The following LIPA variants were observed in gnomAD, a reference collection of about 807,000 sequenced individuals.
The protein encoded by LIPA is lipase A, lysosomal acid type.
LIPA carries 26 observed loss-of-function variants against 40.6 expected under a neutral mutation model. The observed-to-expected ratio is 0.64, with a 90% CI of 0.47 to 0.89. The LOEUF (loss-of-function observed/expected upper bound fraction) is 0.89. LIPA is among the 40% of genes least tolerant of loss of function. The pLI, the probability that LIPA is intolerant of heterozygous loss-of-function variation, is 0.00. For missense variants in LIPA, 455 were observed against 479.6 expected, an observed-to-expected ratio of 0.95 and a Z score of 0.48; for synonymous variants, 188 against 168.4, an observed-to-expected ratio of 1.12 and a Z score of -0.90.
At chr10:89,220,249 G>A (rs1842680718) in intron 8 of LIPA, among the ~76,000 whole-genome samples, 3 of 152,166 alleles carry the variant, frequency 2.0e-5, no homozygotes, top group African/African-American at 7.2e-5. Flanking sequence ...TGGGCTGCTG[G>A]CAGTCACTAA....
intron 3 of LIPA, 136 bp downstream of exon 3, chr10:89,245,540 C>T (rs1378278626): frequency 2.8e-6 from 2 of 702,716 alleles, no homozygotes; most frequent in African/African-American, 3.5e-5. Context: ...TTTTCTTTGC[C>T]TTGCAAACCT....
At chr10:89,232,720 C>T (rs567623822) in intron 3 of LIPA, among the ~76,000 whole-genome samples, 1 of 152,302 alleles carries the variant, frequency 6.6e-6, no homozygotes, top group South Asian at 2.1e-4. Flanking sequence ...CAGCTCCCCA[C>T]CTTCTCTCGA....
chr10:89,287,274 G>T (rs1053031406), intron 1 of LIPA, among the ~76,000 whole-genome samples: 8 of 152,114 alleles, frequency 5.3e-5, no homozygotes, highest in Non-Finnish European at 8.8e-5. Flanking sequence ...CAATACAGAG[G>T]CTACCCACTC....
chr10:89,234,498 G>C (rs1842881153), intron 3 of LIPA, among the ~76,000 whole-genome samples: 1 of 152,232 alleles, frequency 6.6e-6, no homozygotes, highest in Non-Finnish European at 1.5e-5. Flanking sequence ...ATCCTCGGGT[G>C]AAAAACCTTT....
At chr10:89,299,418 G>C (rs894680485) in intron 1 of LIPA, among the ~76,000 whole-genome samples, 2 of 152,078 alleles carry the variant, frequency 1.3e-5, no homozygotes, top group Non-Finnish European at 2.9e-5. Flanking sequence ...AAACTGAAAG[G>C]GTTTGAAAAC....
chr10:89,244,698 T>C (rs1057105814), intron 3 of LIPA, among the ~76,000 whole-genome samples: 1 of 152,180 alleles, frequency 6.6e-6, no homozygotes, highest in African/African-American at 2.4e-5. Context: ...TTCCTTTATC[T>C]GCACTGGAAA....
chr10:89,269,725 A>G (rs1374341060), intron 1 of LIPA, among the ~76,000 whole-genome samples: 2 of 152,230 alleles, frequency 1.3e-5, no homozygotes, highest in African/African-American at 2.4e-5. Flanking sequence ...TCCTTACCAA[A>G]GGTTAATGTC....
chr10:89,218,707 G>A (rs776743983), intron 8 of LIPA, among the ~76,000 whole-genome samples: 2 of 152,190 alleles, frequency 1.3e-5, no homozygotes, highest in Non-Finnish European at 2.9e-5. Flanking sequence ...ACAACACCCC[G>A]AGGATGGCAG....
chr10:89,249,463 A>G lies in LIPA; in HGVS notation c.-1-1814T>C, dbSNP rs1001897384. 4.6e-5 allele frequency among the ~76,000 whole-genome samples: 7 copies of G among 152,266 alleles called. No individual in the cohort carries two copies. In the East Asian group the frequency reaches 7.7e-4, roughly 17 times the overall value. On this transcript the variant is annotated intron_variant, in intron 1 of 9. Coordinates refer to ENST00000336233, the MANE Select transcript of LIPA (RefSeq NM_000235.4). ...TACAAAGACTTGTACATAAATGTTT[A>G]TAACAGCTTTGGGTGTAATAGACAA...
chr10:89,271,758 G>T (rs1321969439), intron 1 of LIPA, among the ~76,000 whole-genome samples: 1 of 152,210 alleles, frequency 6.6e-6, no homozygotes, highest in Non-Finnish European at 1.5e-5. Context: ...TATGGAACAG[G>T]TGGTAAAAGA....
intron 2 of LIPA, among the ~76,000 whole-genome samples, chr10:89,368,096 A>T (rs573219225): frequency 6.6e-6 from 1 of 152,054 alleles, no homozygotes; most frequent in African/African-American, 2.4e-5. Flanking sequence ...TCTGGGAAGA[A>T]ACTATTAAAG....
chr10:89,353,767 C>A (rs1040934126), intron 2 of LIPA, among the ~76,000 whole-genome samples: 1 of 151,978 alleles, frequency 6.6e-6, no homozygotes, highest in Admixed American at 6.6e-5. Context: ...GGTGAAAACC[C>A]GTCTCTACTA....
intron 2 of LIPA, among the ~76,000 whole-genome samples, chr10:89,353,185 G>A (rs557768239): frequency 5.9e-5 from 9 of 152,302 alleles, no homozygotes; most frequent in Middle Eastern, 3.4e-3. Flanking sequence ...CCAGGGAAGG[G>A]CCATCTCCCA....
intron 2 of LIPA, among the ~76,000 whole-genome samples, chr10:89,394,605 TATATATATATATATATATATATAA>T (rs1238752937): frequency 0.39 from 25,308 of 64,620 alleles, 3,233 homozygotes; most frequent in East Asian, 0.46. Context: ...TATATATATA[TATATATATATATATATATATATAA>T]AACTTGAATT....
chr10:89,359,842 C>A (rs112203944), intron 2 of LIPA, among the ~76,000 whole-genome samples: 2,296 of 146,272 alleles, frequency 0.016, 64 homozygotes, highest in African/African-American at 0.056. Context: ...CACACACACA[C>A]AAACACACAC....
intron 1 of LIPA, among the ~76,000 whole-genome samples, chr10:89,278,976 G>A (rs1182453670): frequency 6.6e-6 from 1 of 152,002 alleles, no homozygotes; most frequent in Non-Finnish European, 1.5e-5. Flanking sequence ...ATACAGAATG[G>A]TAACAGGTTT....
intron 1 of LIPA, among the ~76,000 whole-genome samples, chr10:89,279,864 G>A (rs1346120880): frequency 6.6e-6 from 1 of 152,138 alleles, no homozygotes; most frequent in African/African-American, 2.4e-5. Flanking sequence ...ATGGTGTGAA[G>A]CATCTGGTCA....
At chr10:89,311,042 T>C (rs1843512668) in intron 1 of LIPA, among the ~76,000 whole-genome samples, 1 of 152,250 alleles carries the variant, frequency 6.6e-6, no homozygotes, top group Non-Finnish European at 1.5e-5. Flanking sequence ...AATTAAAATA[T>C]TTGAAAAGTC....
chr10:89,402,544 C>A (rs1347772850), intron 2 of LIPA: 2 of 1,614,060 alleles, frequency 1.2e-6, no homozygotes, highest in Non-Finnish European at 1.7e-6. Flanking sequence ...GACAACCAAG[C>A]AAATGTGAGG....
Sources: allele counts gnomAD v4.1 joint callset (sites outside exome capture counted in the v4.1 genomes callset), GRCh38; gene constraint gnomAD v4.1.1; transcripts MANE v1.5; gene names NCBI Gene and HGNC (gene_info 2026-07-23, HGNC 2026-07-21).